HBP1: variants seen among roughly 807,000 people sequenced by gnomAD.
HBP1 encodes HMG box-containing protein 1.
Under a neutral mutation model 62.6 loss-of-function variants are expected in HBP1, and 20 were observed. The ratio of observed to expected loss-of-function variants is 0.32; its 90% CI spans 0.22 to 0.46. The LOEUF is 0.46. HBP1 is among the 20% of genes least tolerant of loss of function. The pLI is 1.00. For missense variants in HBP1, 480 were observed against 611.8 expected, an observed-to-expected ratio of 0.78 and a Z score of 2.27; for synonymous variants, 232 against 206.2, an observed-to-expected ratio of 1.12 and a Z score of -1.07.
At chr7:107,169,851 G>A in intron 1 of HBP1, 1 of 985,490 alleles carries the variant, frequency 1.0e-6, no homozygotes. Context: ...GAAAGAGGGT[G>A]GGGGATGGAC....
At chr7:107,171,615 G>C (rs563177760) in intron 1 of HBP1, among the ~76,000 whole-genome samples, 2 of 152,168 alleles carry the variant, frequency 1.3e-5, no homozygotes, top group Admixed American at 6.5e-5. Flanking sequence ...GCCTGTCCCA[G>C]CGCTTTGAGA....
intron 1 of HBP1, among the ~76,000 whole-genome samples, chr7:107,176,234 C>T (rs907950788): frequency 9.2e-5 from 14 of 151,966 alleles, no homozygotes; most frequent in Admixed American, 3.3e-4. Flanking sequence ...CCATGTTGGT[C>T]AGGCTGGTCT....
intron 4 of HBP1, among the ~76,000 whole-genome samples, 195 bp from the exon 5 acceptor site, chr7:107,186,166 C>CTT (rs80124304): frequency 9.5e-5 from 11 of 116,130 alleles, no homozygotes; most frequent in African/African-American, 3.5e-4. Context: ...CTTTTTTTTT[C>CTT]TTTTTTTTTT....
chr7:107,176,295 A>AT (rs1382587366), intron 1 of HBP1, among the ~76,000 whole-genome samples: 1 of 152,132 alleles, frequency 6.6e-6, no homozygotes, highest in Non-Finnish European at 1.5e-5. Flanking sequence ...AAGTGCTGGG[A>AT]TTACAGGCGT....
At chr7:107,200,116 G>GA in intron 9 of HBP1, 44 bp from the exon 10 acceptor site, 1 of 1,450,266 alleles carries the variant, frequency 6.9e-7, no homozygotes, top group Non-Finnish European at 9.2e-7. Flanking sequence ...TGAGATTTAT[G>GA]AAAAATGTGT....
chr7:107,201,339 C>A, intron 10 of HBP1, 75 bp from the exon 11 acceptor site: 1 of 844,540 alleles, frequency 1.2e-6, no homozygotes, highest in Non-Finnish European at 1.9e-6. Flanking sequence ...ACATCTTATA[C>A]ATCTTAGCTT....
At chr7:107,200,433 C>T (rs1798182753) in intron 10 of HBP1, 132 bp downstream of exon 10, 2 of 580,556 alleles carry the variant, frequency 3.4e-6, no homozygotes, top group Admixed American at 3.7e-5. Context: ...ACTTCAAAAC[C>T]TAATAATGTT....
At chr7:107,185,709 C>T in intron 3 of HBP1, 92 bp from the exon 4 acceptor site, 1 of 937,694 alleles carries the variant, frequency 1.1e-6, no homozygotes, top group Non-Finnish European at 1.6e-6. Context: ...AATGTAATAA[C>T]ATTGGCGTTT....
rs1205019031 is a variant in HBP1, at chr7:107,180,937, A to G, written c.169+875A>G. On this transcript the variant is annotated intron_variant, in intron 2 of 10. Transcript: ENST00000222574. ...TAGGGCCGAGGGGAGTATAAATAAC[A>G]TGCCCCTTCCACCTATGACTTCGTT... 2.6e-5 allele frequency among the ~76,000 whole-genome samples: 4 copies of G among 152,190 alleles called. 1 individual carries two copies. The highest frequency in any genetic ancestry group is 4.4e-5 in the Non-Finnish European group (3 of 68,036).
rs1394562277 is a variant in HBP1, at chr7:107,182,604, A to G, written c.398+3A>G. On this transcript the variant is annotated splice_donor_region_variant and intron_variant, in intron 3 of 10. Transcript: ENST00000222574. Reference sequence around the variant, plus strand: ...ATGCAGTGCTCATTTTACAATAGGTAGGAGCATTTATTATATTTTTATTGA... The same window carrying G: ...ATGCAGTGCTCATTTTACAATAGGTGGGAGCATTTATTATATTTTTATTGA... The G allele has an allele frequency of 1.0e-5, 15 of 1,443,062 alleles. No homozygotes were observed. The highest frequency in any genetic ancestry group is 1.9e-6 in the Non-Finnish European group (2 of 1,028,690). The allele number at this position is 1,443,062 out of a possible 1,614,324, so 89.4% of individuals were successfully genotyped here.
At chr7:107,176,782 A>AT (rs1156283711) in intron 1 of HBP1, among the ~76,000 whole-genome samples, 2 of 149,560 alleles carry the variant, frequency 1.3e-5, no homozygotes, top group East Asian at 2.0e-4. Flanking sequence ...TGTGTTACAC[A>AT]TTTTCTCTAG....
intron 1 of HBP1, among the ~76,000 whole-genome samples, chr7:107,169,514 A>C: frequency 1.8e-5 from 2 of 111,496 alleles, no homozygotes. Context: ...GGGCGGGGGA[A>C]GGGGCCGACG....
intron 9 of HBP1, among the ~76,000 whole-genome samples, chr7:107,197,340 G>C (rs972037654): frequency 6.6e-6 from 1 of 152,120 alleles, no homozygotes; most frequent in East Asian, 1.9e-4. Context: ...AGACACATAA[G>C]TGTGTAATTA....
At chr7:107,176,820 T>C (rs751867426) in intron 1 of HBP1, among the ~76,000 whole-genome samples, 1 of 152,126 alleles carries the variant, frequency 6.6e-6, no homozygotes, top group Non-Finnish European at 1.5e-5. Flanking sequence ...GAAATTGTTA[T>C]ATCCTAGCAT....
chr7:107,184,364 G>A (rs1797249939), intron 3 of HBP1, among the ~76,000 whole-genome samples: 1 of 152,194 alleles, frequency 6.6e-6, no homozygotes, highest in East Asian at 1.9e-4. Context: ...AAGGAGTGAT[G>A]TGAACATGAA....
intron 2 of HBP1, among the ~76,000 whole-genome samples, 166 bp downstream of exon 2, chr7:107,180,228 CA>C (rs1328414753): frequency 2.0e-5 from 3 of 152,112 alleles, no homozygotes; most frequent in African/African-American, 4.8e-5. Context: ...TACTTAAAAC[CA>C]ACATGAGTTG....
At chr7:107,171,873 AAAAAAG>A in intron 1 of HBP1, among the ~76,000 whole-genome samples, 1 of 151,996 alleles carries the variant, frequency 6.6e-6, no homozygotes, top group East Asian at 1.9e-4. Flanking sequence ...AAAAAAAAAA[AAAAAAG>A]AGTCAATGCC....
intron 9 of HBP1, among the ~76,000 whole-genome samples, chr7:107,199,498 C>T (rs188507262): frequency 6.6e-6 from 1 of 152,214 alleles, no homozygotes; most frequent in Non-Finnish European, 1.5e-5. Flanking sequence ...TTCGAAGGCA[C>T]AAATGCCTGT....
At chr7:107,193,071 G>GC (rs1797731212) in intron 8 of HBP1, 1 of 152,148 alleles carries the variant, frequency 6.6e-6, no homozygotes, top group Admixed American at 6.5e-5. Context: ...CAGTTGATGA[G>GC]CTCTCATACA....
Sources: allele counts gnomAD v4.1 joint callset (sites outside exome capture counted in the v4.1 genomes callset), GRCh38; gene constraint gnomAD v4.1.1; transcripts MANE v1.5; gene names NCBI Gene and HGNC (gene_info 2026-07-23, HGNC 2026-07-21).